Variants in MRPL4 observed in about 807,000 individuals in gnomAD.
MRPL4 encodes the protein large ribosomal subunit protein uL4m.
A neutral mutation model predicts 34.1 loss-of-function variants in MRPL4; 34 were observed. That is an observed-to-expected ratio of 1.00 (90% CI 0.76 to 1.33). MRPL4 has a LOEUF of 1.33. Among genes scored for constraint, MRPL4 ranks in the 40% most tolerant of loss-of-function variants. The pLI is 0.00. For missense variants in MRPL4, 402 were observed against 434.6 expected (o/e 0.92, Z 0.67); for synonymous variants, 196 against 188.3 (o/e 1.04, Z -0.33).
Position 10,258,649 on chromosome 19 carries a change from T to G in MRPL4, c.703T>G (p.Ser235Ala), listed in dbSNP as rs2039876290. ...EMPQSIVEATSRLKTFNLIPA... is the reference protein window; with the variant it reads ...EMPQSIVEATARLKTFNLIPA... ...GCCACAGAGCATCGTGGAGGCCACC[T>G]CTAGGCTTAAGACCTTCAACTTGAT... The change falls in exon 8 of 9, where the codon TCT (serine) becomes GCT (alanine). Residue 235 changes from serine to alanine, a missense_variant. Ser to Ala is a moderately conservative substitution (Grantham distance 99). Coordinates refer to ENST00000253099, the MANE Select transcript of MRPL4 (RefSeq NM_015956.3). The G allele has an allele frequency of 1.2e-6, 2 of 1,614,142 alleles. No homozygotes were observed. Among genetic ancestry groups the G allele is most frequent in the Non-Finnish European group, 1.7e-6 (2 of 1,180,032 alleles).
At position 10,252,240 on chromosome 19, in the gene MRPL4, G is replaced by T; in HGVS notation, c.-14G>T. On this transcript the variant is annotated 5_prime_UTR_variant, in exon 1 of 9. Transcript: ENST00000253099. ...GTGGCCTTGACCTCCCGCGGCGTGG[G>T]AGGCTGCGCGGCGATGCTGCAGTTC... 1 of 1,597,178 alleles carries T rather than the reference G, an allele frequency of 6.3e-7. No homozygotes were observed. Among genetic ancestry groups the T allele is most frequent in the Admixed American group, 1.8e-5 (1 of 54,264 alleles).
intron 5 of MRPL4, among the ~76,000 whole-genome samples, chr19:10,257,712 T>C (rs2039864996): frequency 6.6e-6 from 1 of 151,898 alleles, no homozygotes; most frequent in Admixed American, 6.6e-5. Context: ...GACCTGAAAG[T>C]TCGAACCTCC....
Position 10,252,380 on chromosome 19 carries a change from TC to T in MRPL4, c.58-16del, listed in dbSNP as rs764705852. 3.1e-6 allele frequency: 5 copies of T among 1,614,010 alleles called. No individual in the cohort carries two copies. Among genetic ancestry groups the T allele is most frequent in the Non-Finnish European group, 4.2e-6 (5 of 1,179,936 alleles). On this transcript the variant is annotated splice_polypyrimidine_tract_variant and intron_variant, in intron 1 of 8. Transcript: ENST00000253099. ...GGTGTCCAGGGGTCGTCTCTCACTT[TC>T]GCCCAACCCTTGCAGGGCCTGAGTT...
At chr19:10,258,389 C>T in intron 6 of MRPL4, 24 bp from the exon 7 acceptor site, 1 of 1,613,954 alleles carries the variant, frequency 6.2e-7, no homozygotes, top group Non-Finnish European at 8.5e-7. Flanking sequence ...ACCCAGGGTT[C>T]AAACCATCCT....
chr19:10,253,342 G>T lies in MRPL4; in HGVS notation c.275+641G>T, dbSNP rs550660993. On this transcript the variant is annotated intron_variant, in intron 3 of 8. Coordinates refer to ENST00000253099, the MANE Select transcript of MRPL4 (RefSeq NM_015956.3). ...ATACAAAAAAAAATTAGCCGGGCGTGGTGGCGGGCGTCTGTAGTCCCAGGT... is the reference window on the plus strand; with the variant it reads ...ATACAAAAAAAAATTAGCCGGGCGTTGTGGCGGGCGTCTGTAGTCCCAGGT... 2.6e-5 allele frequency among the ~76,000 whole-genome samples: 4 copies of T among 151,778 alleles called. No individual in the cohort carries two copies. In the South Asian group the frequency reaches 8.3e-4, roughly 32 times the overall value.
chr19:10,258,972 C>G, intron 8 of MRPL4: 1 of 1,409,522 alleles, frequency 7.1e-7, no homozygotes, highest in Non-Finnish European at 9.3e-7. Context: ...TGGCGATGTG[C>G]ACCTGTAGTC....
In MRPL4 at chr19:10,257,934, G is replaced by A. The variant is rs117454376; in HGVS notation, c.446-288G>A. 6.9e-3 allele frequency among the ~76,000 whole-genome samples: 1,054 copies of A among 151,974 alleles called. 19 individuals carry two copies. The highest frequency in any genetic ancestry group is 0.05 in the East Asian group (256 of 5,124). On this transcript the variant is annotated intron_variant, in intron 5 of 8. Transcript: ENST00000253099. ...CAATCATAGCTCACTGCAGCCTTGA[G>A]CTCCTGGGCTCAAGTGATCCTCCAT... is the stretch of plus-strand genomic sequence containing the variant.
At chr19:10,256,310 G>C (rs1321315673) in intron 4 of MRPL4, among the ~76,000 whole-genome samples, 1 of 152,026 alleles carries the variant, frequency 6.6e-6, no homozygotes, top group Non-Finnish European at 1.5e-5. Flanking sequence ...GCCGGGCATG[G>C]TGACAGGCAC....
chr19:10,252,541 A>G lies in MRPL4; in HGVS notation c.125-10A>G, dbSNP rs1478938420. On this transcript the variant is annotated splice_polypyrimidine_tract_variant and intron_variant, in intron 2 of 8. Transcript: ENST00000253099. Reference sequence around the variant, plus strand: ...TTGACCCTAACCTCTGACCCCCGCAATCGCTCCAGGTCTCCCGGAGCCCGT... The same window carrying G: ...TTGACCCTAACCTCTGACCCCCGCAGTCGCTCCAGGTCTCCCGGAGCCCGT... 1.9e-6 allele frequency: 3 copies of G among 1,612,838 alleles called. No individual in the cohort carries two copies. Among genetic ancestry groups the G allele is most frequent in the Admixed American group, 3.3e-5 (2 of 59,952 alleles).
chr19:10,252,927 G>T, intron 3 of MRPL4: 1 of 605,808 alleles, frequency 1.7e-6, no homozygotes. Context: ...ACAGAATTCT[G>T]GAGCCCGACT....
intron 8 of MRPL4, 81 bp from the exon 9 acceptor site, chr19:10,259,536 G>A (rs1027445988): frequency 4.0e-5 from 61 of 1,534,358 alleles, no homozygotes; most frequent in Non-Finnish European, 5.2e-5. Flanking sequence ...TAAGCACAAA[G>A]GGACTCCGAT....
chr19:10,259,761 G>GACCCCT lies in MRPL4; in HGVS notation c.890_895dup (p.Leu297_Pro298dup). ...AGCCTGCCCTACAGCGACTTCCCCC[G>GACCCCT]ACCCCTACCCCACGCTACCCAGGGC... On this transcript the variant is annotated inframe_insertion, in exon 9 of 9. Transcript: ENST00000253099. 1 of 1,613,688 alleles carries GACCCCT rather than the reference G, an allele frequency of 6.2e-7. No homozygotes were observed. The highest frequency in any genetic ancestry group is 1.1e-5 in the South Asian group (1 of 91,054).
chr19:10,256,736 AG>A lies in MRPL4; in HGVS notation c.358del (p.Val120CysfsTer48), dbSNP rs909562088. The part of the protein sequence containing the change: ...ISYAKTKTRA[E>X]VRGGGRKPWP... Reference sequence around the variant, plus strand: ...TATGCCAAGACCAAGACGAGAGCCGAGGTGCGGGGCGGTGGCCGGAAGCCTT... The same window carrying A: ...TATGCCAAGACCAAGACGAGAGCCGAGTGCGGGGCGGTGGCCGGAAGCCTT... On this transcript the variant is annotated frameshift_variant, in exon 5 of 9. Transcript: ENST00000253099. LOFTEE classifies it high-confidence loss of function. 6 of 1,604,918 alleles carry A rather than the reference AG, an allele frequency of 3.7e-6. No homozygotes were observed. The highest frequency in any genetic ancestry group is 5.1e-6 in the Non-Finnish European group (6 of 1,176,110).
intron 3 of MRPL4, 49 bp downstream of exon 3, chr19:10,252,750 G>C: frequency 7.0e-6 from 11 of 1,571,786 alleles, no homozygotes; most frequent in Non-Finnish European, 9.5e-6. Context: ...GATGAAGAGC[G>C]GGATTTCAGG....
chr19:10,252,345 G>A (rs2039799724), intron 1 of MRPL4, 35 bp downstream of exon 1: 1 of 1,612,922 alleles, frequency 6.2e-7, no homozygotes, highest in Non-Finnish European at 8.5e-7. Flanking sequence ...GTCGAAGGAT[G>A]AAATTTGGGG....
At chr19:10,256,317 G>T (rs1391345628) in intron 4 of MRPL4, among the ~76,000 whole-genome samples, 1 of 151,970 alleles carries the variant, frequency 6.6e-6, no homozygotes. Flanking sequence ...ATGGTGACAG[G>T]CACCCGTAAT....
chr19:10,252,738 G>C (rs1361058904), intron 3 of MRPL4, 37 bp downstream of exon 3: 1 of 1,580,588 alleles, frequency 6.3e-7, no homozygotes, highest in Non-Finnish European at 8.6e-7. Context: ...GAGTGGCAGA[G>C]GGATGAAGAG....
intron 8 of MRPL4, 24 bp from the exon 9 acceptor site, chr19:10,259,588 CCCCCG>C: frequency 7.8e-7 from 1 of 1,275,586 alleles, no homozygotes; most frequent in Non-Finnish European, 1.0e-6. Flanking sequence ...CCTGACCGGC[CCCCCG>C]CCCCGCCCCC....
At chr19:10,257,248 C>T (rs543742956) in intron 5 of MRPL4, among the ~76,000 whole-genome samples, 1 of 152,292 alleles carries the variant, frequency 6.6e-6, no homozygotes, top group African/African-American at 2.4e-5. Flanking sequence ...CTTTCCCCCT[C>T]ATCCCCTCCT....
Sources: gnomAD v4.1 joint callset for allele counts (sites outside exome capture counted in the v4.1 genomes callset) on GRCh38, gnomAD v4.1.1 for gene constraint, MANE v1.5 for transcripts, NCBI Gene and HGNC (gene_info 2026-07-23, HGNC 2026-07-21) for gene names.